Variants in MAPK10 observed in about 807,000 individuals in gnomAD.
MAPK10 encodes the protein JNK3 alpha protein kinase.
In MAPK10, 25 loss-of-function variants were observed where a neutral mutation model predicts 59.3. The observed-to-expected ratio is 0.42, with a 90% CI of 0.31 to 0.59. The LOEUF (loss-of-function observed/expected upper bound fraction) is 0.59, where lower values mean the gene tolerates loss of function less well. Ranked by LOEUF, MAPK10 falls within the 20% of genes least tolerant of loss-of-function variation. The pLI, the probability that MAPK10 is intolerant of heterozygous loss-of-function variation, is 0.15. For missense variants in MAPK10, 351 were observed against 568.9 expected (o/e 0.62, Z 3.90); for synonymous variants, 190 against 200.5 (o/e 0.95, Z 0.44).
At chr4:86,472,488 T>C (rs1752738947) in intron 1 of MAPK10, among the ~76,000 whole-genome samples, 1 of 151,924 alleles carries the variant, frequency 6.6e-6, no homozygotes, top group South Asian at 2.1e-4. Flanking sequence ...CTACAAGAAA[T>C]ACAACAAAAT....
intron 2 of MAPK10, among the ~76,000 whole-genome samples, chr4:86,257,661 C>A (rs9999403): frequency 0.33 from 49,728 of 151,922 alleles, 11,035 homozygotes; most frequent in African/African-American, 0.63. Flanking sequence ...TTACCCACCT[C>A]CGCTTGACTT....
chr4:86,438,311 A>T (rs1749006901), intron 1 of MAPK10, among the ~76,000 whole-genome samples: 1 of 152,224 alleles, frequency 6.6e-6, no homozygotes, highest in South Asian at 2.1e-4. Context: ...CATGCATTTT[A>T]TCTTTATGAT....
At chr4:86,039,761 A>T (rs2148936365) in intron 11 of MAPK10, among the ~76,000 whole-genome samples, 1 of 152,318 alleles carries the variant, frequency 6.6e-6, no homozygotes, top group African/African-American at 2.4e-5. Context: ...CTACAGATGT[A>T]GGCAAATATT....
chr4:86,101,593 A>G (rs1042782500), intron 7 of MAPK10, among the ~76,000 whole-genome samples: 1 of 152,188 alleles, frequency 6.6e-6, no homozygotes, highest in African/African-American at 2.4e-5. Flanking sequence ...TGCCAGAAAC[A>G]TCTATGGAAA....
rs529775873 is a variant in MAPK10 at position 86,027,663 on chromosome 4, G to A, written c.1252+1534C>T. On this transcript the variant is annotated intron_variant, in intron 13 of 13. Coordinates refer to ENST00000641462, the MANE Select transcript of MAPK10 (RefSeq NM_138982.4). Reference sequence around the variant, plus strand: ...TAAGAAATATGCTGAGGGAGAAATTGAGTGGCAATTTTCAAATTAATATAT... The same window carrying A: ...TAAGAAATATGCTGAGGGAGAAATTAAGTGGCAATTTTCAAATTAATATAT... The A allele has an allele frequency of 9.9e-5, 15 of 152,284 alleles. 1 individual carries two copies. The highest frequency in any genetic ancestry group is 6.2e-4 in the South Asian group (3 of 4,824). The allele number at this position is 152,284 out of a possible 1,614,324, so 9.4% of individuals were successfully genotyped here.
intron 9 of MAPK10, among the ~76,000 whole-genome samples, chr4:86,069,457 A>G (rs2047366726): frequency 6.6e-6 from 1 of 152,156 alleles, no homozygotes; most frequent in Non-Finnish European, 1.5e-5. Context: ...CATGTGCATG[A>G]GAAAATACAG....
At chr4:86,257,573 T>A (rs2093801533) in intron 2 of MAPK10, among the ~76,000 whole-genome samples, 1 of 152,244 alleles carries the variant, frequency 6.6e-6, no homozygotes, top group Non-Finnish European at 1.5e-5. Context: ...ACTGCCTTCA[T>A]GCTCCATGAA....
At chr4:86,287,030 G>A (rs2095040289) in intron 2 of MAPK10, among the ~76,000 whole-genome samples, 2 of 152,108 alleles carry the variant, frequency 1.3e-5, no homozygotes, top group Admixed American at 1.3e-4. Context: ...AGAAAAACCA[G>A]AGTATAAACA....
chr4:86,151,842 C>G (rs2149210776), intron 4 of MAPK10: 1 of 152,328 alleles, frequency 6.6e-6, no homozygotes, highest in Non-Finnish European at 1.5e-5. Context: ...TGTCTTAAAT[C>G]ATCATGCCAG....
At chr4:86,582,638 C>T (rs914443681) in intron 1 of MAPK10, among the ~76,000 whole-genome samples, 1 of 152,144 alleles carries the variant, frequency 6.6e-6, no homozygotes, top group Non-Finnish European at 1.5e-5. Context: ...ACCACTTACA[C>T]AAACGACACT....
intron 9 of MAPK10, among the ~76,000 whole-genome samples, chr4:86,098,060 T>C (rs1161682830): frequency 6.6e-6 from 1 of 152,124 alleles, no homozygotes; most frequent in Non-Finnish European, 1.5e-5. Context: ...TGATTTAGTG[T>C]CGAGTAATTT....
chr4:86,084,378 A>G (rs2051313901), intron 9 of MAPK10, among the ~76,000 whole-genome samples: 1 of 152,252 alleles, frequency 6.6e-6, no homozygotes, highest in Non-Finnish European at 1.5e-5. Context: ...TCAAAAAACT[A>G]TTCAAATTGA....
chr4:86,473,074 G>A (rs970760525), intron 1 of MAPK10, among the ~76,000 whole-genome samples: 18 of 152,146 alleles, frequency 1.2e-4, no homozygotes, highest in African/African-American at 4.3e-4. Context: ...ACTGTTAACA[G>A]GGGGAGAAAA....
At chr4:86,146,923 G>A (rs1320490150) in intron 4 of MAPK10, among the ~76,000 whole-genome samples, 1 of 152,094 alleles carries the variant, frequency 6.6e-6, no homozygotes, top group East Asian at 1.9e-4. Flanking sequence ...AGGATCTTTG[G>A]TCCTTTCTAT....
chr4:86,104,896 T>C (rs1001210906), intron 5 of MAPK10, among the ~76,000 whole-genome samples: 1 of 152,010 alleles, frequency 6.6e-6, no homozygotes, highest in Non-Finnish European at 1.5e-5. Flanking sequence ...TTCCTACCAA[T>C]AGTCAATTTT....
chr4:86,484,126 G>A (rs1057223782), intron 1 of MAPK10, among the ~76,000 whole-genome samples: 2 of 152,146 alleles, frequency 1.3e-5, no homozygotes, highest in Admixed American at 6.6e-5. Context: ...AGGAGTGTGG[G>A]CTTTATCCTT....
intron 1 of MAPK10, among the ~76,000 whole-genome samples, chr4:86,519,907 A>C (rs1259239486): frequency 2.6e-5 from 4 of 152,126 alleles, no homozygotes; most frequent in Non-Finnish European, 5.9e-5. Context: ...ATTCCTAGCT[A>C]ATAATTATTT....
intron 9 of MAPK10, chr4:86,095,367 T>C (rs1355754690): frequency 6.6e-6 from 1 of 151,900 alleles, no homozygotes; most frequent in East Asian, 1.9e-4. Context: ...GGTTCAAGTT[T>C]AAAAGTTCTG....
chr4:86,428,302 C>A (rs1054971038), intron 1 of MAPK10, among the ~76,000 whole-genome samples: 2 of 152,022 alleles, frequency 1.3e-5, no homozygotes, highest in African/African-American at 4.8e-5. Flanking sequence ...TGCCACCATG[C>A]CTGGCTAATT....
Sources: allele counts gnomAD v4.1 joint callset (sites outside exome capture counted in the v4.1 genomes callset), GRCh38; gene constraint gnomAD v4.1.1; transcripts MANE v1.5; gene names NCBI Gene and HGNC (gene_info 2026-07-23, HGNC 2026-07-21).